The following RETN variants were observed in gnomAD, a reference collection of about 807,000 sequenced individuals.
RETN encodes resistin.
RETN carries 5 observed loss-of-function variants against 6.1 expected under a neutral mutation model. That is an observed-to-expected ratio of 0.82 (90% CI 0.43 to 1.73). The LOEUF is 1.73. Ranked by LOEUF, RETN falls within the 40% of genes most tolerant of loss-of-function variation. The pLI, the probability that RETN is intolerant of heterozygous loss-of-function variation, is 0.02. For synonymous variants in RETN, 62 were observed against 59.2 expected, an observed-to-expected ratio of 1.05 and a Z score of -0.22; for missense variants, 168 against 142.5, an observed-to-expected ratio of 1.18 and a Z score of -0.91.
At chr19:7,669,773 C>A in intron 2 of RETN, 48 bp from the exon 3 acceptor site, 1 of 1,540,250 alleles carries the variant, frequency 6.5e-7, no homozygotes, top group African/African-American at 1.4e-5. Context: ...GGGGGAGGGA[C>A]CGTTTGGTCT....
In RETN at chr19:7,669,225, G is replaced by A. The variant is rs572919042; in HGVS notation, c.-10-92G>A. 3.5e-5 allele frequency: 31 copies of A among 893,528 alleles called. No individual in the cohort carries two copies. In the African/African-American group the frequency reaches 4.9e-4, roughly 14 times the overall value. The allele number at this position is 893,528 out of a possible 1,614,324, so 55.3% of individuals were successfully genotyped here. Reference sequence around the variant, plus strand: ...CCCACATGGGGGGACAGGGGTCCAGGTCCAGGGGCAGATCCTACTCCCTCC... The same window carrying A: ...CCCACATGGGGGGACAGGGGTCCAGATCCAGGGGCAGATCCTACTCCCTCC... On this transcript the variant is annotated intron_variant, in intron 1 of 3. Transcript: ENST00000221515.
Position 7,669,523 on chromosome 19 carries a change from C to T in RETN, c.118+79C>T, listed in dbSNP as rs142766550. 1.0e-3 allele frequency: 1,047 copies of T among 1,015,636 alleles called. 6 individuals are homozygous for T. Among genetic ancestry groups the T allele is most frequent in the Non-Finnish European group, 9.8e-4 (622 of 636,924 alleles). The allele number at this position is 1,015,636 out of a possible 1,614,324, so 62.9% of individuals were successfully genotyped here. On this transcript the variant is annotated intron_variant, in intron 2 of 3. Coordinates refer to ENST00000221515, the MANE Select transcript of RETN (RefSeq NM_020415.4). ...TCCCTGGCACAGACCTGACTCCAACCCAGCCCCAGCGCTCACCAAATCTCA... is the reference window on the plus strand; with the variant it reads ...TCCCTGGCACAGACCTGACTCCAACTCAGCCCCAGCGCTCACCAAATCTCA...
chr19:7,669,549 T>C (rs1246935768), intron 2 of RETN, 105 bp downstream of exon 2: 2 of 853,942 alleles, frequency 2.3e-6, no homozygotes, highest in African/African-American at 1.7e-5. Flanking sequence ...CCAAATCTCA[T>C]CCTCAAATCC....
intron 3 of RETN, 81 bp downstream of exon 3, chr19:7,669,979 G>C (rs1486559984): frequency 1.8e-6 from 2 of 1,131,368 alleles, no homozygotes; most frequent in Non-Finnish European, 1.3e-6. Context: ...CACGTTCCCC[G>C]TGTCCAGCCT....
intron 1 of RETN, 40 bp from the exon 2 acceptor site, chr19:7,669,277 G>A (rs1159813746): frequency 7.1e-7 from 1 of 1,414,866 alleles, no homozygotes; most frequent in African/African-American, 1.4e-5. Flanking sequence ...CCACAGGGCA[G>A]GGCTGATCCA....
intron 2 of RETN, 32 bp from the exon 3 acceptor site, chr19:7,669,789 C>G: frequency 6.3e-7 from 1 of 1,598,248 alleles, no homozygotes; most frequent in South Asian, 1.1e-5. Context: ...GGTCTCACAG[C>G]TCCCCCTGTC....
chr19:7,669,275 C>G (rs933414691), intron 1 of RETN, 42 bp from the exon 2 acceptor site: 14 of 1,382,962 alleles, frequency 1.0e-5, no homozygotes, highest in Non-Finnish European at 1.4e-5. Context: ...CCCCACAGGG[C>G]AGGGCTGATC....
chr19:7,669,890 G>A lies in RETN; in HGVS notation c.188G>A (p.Cys63Tyr). ...SVTSRGDLAT[C>Y]PRGFAVTGCT... ...ACCTCCAGGGGGGACCTGGCTACTT[G>A]CCCCCGAGGTGAGTGCAGGAGACTG... Residue 63 changes from cysteine to tyrosine, a missense_variant, in exon 3 of 4, where the codon TGC (cysteine) becomes TAC (tyrosine). Physicochemically the swap from Cys to Tyr is radical, Grantham distance 194 (BLOSUM62 -2). Transcript: ENST00000221515. 6.2e-7 allele frequency: 1 copy of A among 1,613,876 alleles called. No homozygotes were observed. Among genetic ancestry groups the A allele is most frequent in the Non-Finnish European group, 8.5e-7 (1 of 1,179,896 alleles).
rs1387431891 is a variant in RETN, at chr19:7,670,385, C to A, written c.*36C>A. 3.3e-6 allele frequency: 5 copies of A among 1,530,154 alleles called. No individual in the cohort carries two copies. Among genetic ancestry groups the A allele is most frequent in the South Asian group, 2.4e-5 (2 of 84,288 alleles). The allele number at this position is 1,530,154 out of a possible 1,614,324, so 94.8% of individuals were successfully genotyped here. A position where few individuals can be genotyped will look rare whatever the true frequency, so the allele number is the denominator to read the frequency against. On this transcript the variant is annotated 3_prime_UTR_variant, in exon 4 of 4. Coordinates refer to ENST00000221515, the MANE Select transcript of RETN (RefSeq NM_020415.4). The stretch of plus-strand genomic sequence containing the variant: ...AGCGCGTGCACAGCGCGGGCGGAGG[C>A]GGCTCCAGGTCCGGAGGGGTTGCGG...
Position 7,669,435 on chromosome 19 carries a change from G to C in RETN, c.109G>C (p.Gly37Arg). 6.2e-7 allele frequency: 1 copy of C among 1,612,998 alleles called. No homozygotes were observed. The highest frequency in any genetic ancestry group is 8.5e-7 in the Non-Finnish European group (1 of 1,179,168). Reference sequence around the variant, plus strand: ...CAATGAGAGGATCCAGGAGGTCGCCGGCTCCCTAAGTGAGGACCCCCCACT... The same window carrying C: ...CAATGAGAGGATCCAGGAGGTCGCCCGCTCCCTAAGTGAGGACCCCCCACT... ...AINERIQEVA[G>R]SLIFRAISSI... The change falls in exon 2 of 4, where the codon GGC becomes CGC. Residue 37 changes from glycine to arginine, a missense_variant. Physicochemically the swap from Gly to Arg is moderately radical, Grantham distance 125 (BLOSUM62 -2). Transcript: ENST00000221515.
At chr19:7,670,113 T>TGGCCCCC in intron 3 of RETN, 106 bp from the exon 4 acceptor site, 4 of 465,520 alleles carry the variant, frequency 8.6e-6, no homozygotes, top group Non-Finnish European at 3.9e-6. Context: ...GCCGTCCCCG[T>TGGCCCCC]CCCCACCCCC....
rs768223197 is a variant in RETN at position 7,670,313 on chromosome 19, C to G, written c.291C>G (p.Asp97Glu). ...GTCACTGCCAGTGCGCGGGCATGGA[C>G]TGGACCGGAGCGCGCTGCTGTCGTG... ...TTCHCQCAGM[D>E]WTGARCCRVQ... Residue 97 changes from aspartate (D) to glutamate (E), a missense_variant, in exon 4 of 4, where the codon GAC becomes GAG. Physicochemically the swap from Asp to Glu is conservative, Grantham distance 45 (BLOSUM62 2). Coordinates refer to ENST00000221515, the MANE Select transcript of RETN (RefSeq NM_020415.4). 3 of 1,578,706 alleles carry G rather than the reference C, an allele frequency of 1.9e-6. No homozygotes were observed. Among genetic ancestry groups the G allele is most frequent in the East Asian group, 4.6e-5 (2 of 43,646 alleles).
chr19:7,669,708 T>G, intron 2 of RETN, 113 bp from the exon 3 acceptor site: 1 of 922,742 alleles, frequency 1.1e-6, no homozygotes. Flanking sequence ...TGGAGGCCAG[T>G]GAGCTCCTAT....
intron 3 of RETN, 85 bp from the exon 4 acceptor site, chr19:7,670,134 C>T (rs2032473631): frequency 3.2e-5 from 17 of 524,330 alleles, no homozygotes; most frequent in Middle Eastern, 1.1e-3. Flanking sequence ...GCCCCCCCAA[C>T]CCCCCTCCGC....
chr19:7,669,909 G>A lies in RETN; in HGVS notation c.196+11G>A, dbSNP rs1476880461. On this transcript the variant is annotated intron_variant, in intron 3 of 3. Coordinates refer to ENST00000221515, the MANE Select transcript of RETN (RefSeq NM_020415.4). Reference sequence around the variant, plus strand: ...CTACTTGCCCCCGAGGTGAGTGCAGGAGACTGTTGTCCAGGCGCCCATTTC... The same window carrying A: ...CTACTTGCCCCCGAGGTGAGTGCAGAAGACTGTTGTCCAGGCGCCCATTTC... 6.2e-7 allele frequency: 1 copy of A among 1,612,398 alleles called. No individual in the cohort carries two copies. The highest frequency in any genetic ancestry group is 1.3e-5 in the African/African-American group (1 of 74,864).
intron 3 of RETN, 58 bp downstream of exon 3, chr19:7,669,956 G>GC (rs1246259332): frequency 5.3e-6 from 7 of 1,311,254 alleles, no homozygotes; most frequent in South Asian, 2.4e-5. Context: ...CCCTGGGAAT[G>GC]CCCCCTCCCC....
chr19:7,669,444 A>C lies in RETN; in HGVS notation c.118A>C (p.Ile40Leu). ...ERIQEVAGSL[I>L]FRAISSIGLE... Reference sequence around the variant, plus strand: ...GATCCAGGAGGTCGCCGGCTCCCTAAGTGAGGACCCCCCACTTGGGCAAGC... The same window carrying C: ...GATCCAGGAGGTCGCCGGCTCCCTACGTGAGGACCCCCCACTTGGGCAAGC... The change falls in exon 2 of 4, where the codon ATA (isoleucine) becomes CTA (leucine). Residue 40 changes from isoleucine (I) to leucine (L), a missense_variant and splice_region_variant. Coordinates refer to ENST00000221515, the MANE Select transcript of RETN (RefSeq NM_020415.4). The C allele has an allele frequency of 6.2e-7, 1 of 1,609,016 alleles. No individual in the cohort carries two copies. Among genetic ancestry groups the C allele is most frequent in the Non-Finnish European group, 8.5e-7 (1 of 1,175,466 alleles).
intron 2 of RETN, 111 bp from the exon 3 acceptor site, chr19:7,669,710 A>G: frequency 1.1e-6 from 1 of 932,398 alleles, no homozygotes; most frequent in Non-Finnish European, 1.7e-6. Flanking sequence ...GAGGCCAGTG[A>G]GCTCCTATGC....
At chr19:7,670,113 TCCCCA>T in intron 3 of RETN, 101 bp from the exon 4 acceptor site, 1 of 465,520 alleles carries the variant, frequency 2.1e-6, no homozygotes, top group Admixed American at 3.1e-5. Context: ...GCCGTCCCCG[TCCCCA>T]CCCCCGCCCC....
Sources: allele counts gnomAD v4.1 joint callset, GRCh38; gene constraint gnomAD v4.1.1; transcripts MANE v1.5; gene names NCBI Gene and HGNC (gene_info 2026-07-23, HGNC 2026-07-21).